Variants in CKMT2 observed in about 807,000 individuals in gnomAD.
CKMT2 encodes the protein creatine kinase S-type, mitochondrial.
In CKMT2, 43 loss-of-function variants were observed where a neutral mutation model predicts 48.9. That is an observed-to-expected ratio of 0.88 (90% CI 0.69 to 1.13). CKMT2 has a LOEUF of 1.13. CKMT2 is among the 50% of genes most tolerant of loss of function. The pLI, the probability that CKMT2 is intolerant of heterozygous loss-of-function variation, is 0.00. For synonymous variants in CKMT2, 206 were observed against 213.0 expected, an observed-to-expected ratio of 0.97 and a Z score of 0.29; for missense variants, 472 against 555.4, an observed-to-expected ratio of 0.85 and a Z score of 1.51.
At chr5:81,263,322 G>T (rs1757289658) in intron 8 of CKMT2, among the ~76,000 whole-genome samples, 169 bp from the exon 9 acceptor site, 1 of 148,726 alleles carries the variant, frequency 6.7e-6, no homozygotes, top group African/African-American at 2.5e-5. Flanking sequence ...GCTTTATTTA[G>T]TTAATCTATA....
chr5:81,241,200 T>G (rs969309049), intron 1 of CKMT2, among the ~76,000 whole-genome samples: 3 of 152,190 alleles, frequency 2.0e-5, no homozygotes, highest in African/African-American at 7.2e-5. Flanking sequence ...CTTGCCAAGC[T>G]TCTTACACTG....
Position 81,252,574 on chromosome 5 carries a change from A to G in CKMT2, c.153-121A>G, listed in dbSNP as rs1756855193. ...TATGACTCCTAGGCAGTTCTAGCCA[A>G]GTATCCCTGTGCCCACTGGCTGAAG... On this transcript the variant is annotated intron_variant, in intron 2 of 9. Transcript: ENST00000254035. 33 of 974,966 alleles carry G rather than the reference A, an allele frequency of 3.4e-5. 1 individual carries two copies. In the South Asian group the frequency reaches 4.6e-4, roughly 13 times the overall value. 60.4% of individuals were successfully genotyped at this position (974,966 alleles called of 1,614,324 possible).
chr5:81,235,628 G>A (rs16878563), intron 1 of CKMT2: 10,450 of 152,374 alleles, frequency 0.069, 439 homozygotes, highest in Admixed American at 0.099. Context: ...AGAACCCAAG[G>A]CCTCCTCTTC....
intron 1 of CKMT2, among the ~76,000 whole-genome samples, chr5:81,247,200 C>T (rs934220058): frequency 2.6e-5 from 4 of 152,164 alleles, no homozygotes; most frequent in African/African-American, 9.7e-5. Context: ...ATGCTCAGAA[C>T]ATGGAGGGAA....
intron 2 of CKMT2, chr5:81,252,044 T>C (rs1756834331): frequency 6.4e-6 from 1 of 155,476 alleles, no homozygotes; most frequent in Admixed American, 6.3e-5. Context: ...AGGGATATCA[T>C]AGTACTGACT....
At chr5:81,256,220 T>C (rs920618361) in intron 5 of CKMT2, among the ~76,000 whole-genome samples, 6 of 152,186 alleles carry the variant, frequency 3.9e-5, no homozygotes, top group African/African-American at 1.4e-4. Flanking sequence ...AGTAGTATAT[T>C]GCAGTGGTTA....
At chr5:81,240,626 A>G (rs895800336) in intron 1 of CKMT2, among the ~76,000 whole-genome samples, 1 of 152,142 alleles carries the variant, frequency 6.6e-6, no homozygotes, top group Non-Finnish European at 1.5e-5. Context: ...GAGTGAAAGG[A>G]TCTTTATTTA....
At chr5:81,233,414 A>C in intron 1 of CKMT2, 37 bp downstream of exon 1, 1 of 982,458 alleles carries the variant, frequency 1.0e-6, no homozygotes, top group Non-Finnish European at 1.2e-6. Context: ...TATTCCTCCA[A>C]AGAGGGGTCA....
Position 81,259,141 on chromosome 5 carries a change from C to G in CKMT2, c.901C>G (p.Arg301Gly). The G allele has an allele frequency of 1.2e-6, 2 of 1,613,092 alleles. No individual in the cohort carries two copies. The highest frequency in any genetic ancestry group is 2.2e-5 in the East Asian group (1 of 44,860). ...GTAGGTAGAACGGTTAATCCAAGAA[C>G]GAGGCTGGGAGTTCATGTGGAATGA... ...LKEVERLIQE[R>G]GWEFMWNERL... Residue 301 changes from arginine (R) to glycine (G), a missense_variant, in exon 8 of 10, where the codon CGA becomes GGA. Coordinates refer to ENST00000254035, the MANE Select transcript of CKMT2 (RefSeq NM_001099735.2).
chr5:81,235,668 G>A (rs1468562209), intron 1 of CKMT2: 2 of 152,258 alleles, frequency 1.3e-5, no homozygotes, highest in Non-Finnish European at 2.9e-5. Context: ...AACCAGAGAA[G>A]AGCATTAAGA....
chr5:81,264,321 T>C (rs1318064922), intron 9 of CKMT2, among the ~76,000 whole-genome samples: 1 of 152,232 alleles, frequency 6.6e-6, no homozygotes, highest in African/African-American at 2.4e-5. Flanking sequence ...GTGGTCCCAT[T>C]GGACATATTA....
In CKMT2 at chr5:81,256,916, A is replaced by G. The variant is rs1757030381; in HGVS notation, c.671A>G (p.Asp224Gly). Reference protein sequence around the residue: ...TEQDQQRLIDDHFLFDKPVSP... With the variant: ...TEQDQQRLIDGHFLFDKPVSP... ...TGCTTTATCCCTTTTGGCCTACAGG[A>G]CCACTTTCTGTTTGATAAGCCAGTG... The change falls in exon 6 of 10, where the codon GAC becomes GGC. Residue 224 changes from aspartate (D) to glycine (G), a missense_variant and splice_region_variant. Transcript: ENST00000254035. The G allele has an allele frequency of 5.0e-6, 8 of 1,612,956 alleles. No individual in the cohort carries two copies. The highest frequency in any genetic ancestry group is 6.8e-6 in the Non-Finnish European group (8 of 1,179,166).
chr5:81,263,657 C>T, intron 9 of CKMT2, 41 bp downstream of exon 9: 1 of 1,578,678 alleles, frequency 6.3e-7, no homozygotes. Flanking sequence ...CTAACAAAAT[C>T]AGCCTAAGAG....
At chr5:81,233,662 TC>T (rs1376126940) in intron 1 of CKMT2, among the ~76,000 whole-genome samples, 1 of 152,042 alleles carries the variant, frequency 6.6e-6, no homozygotes, top group Non-Finnish European at 1.5e-5. Flanking sequence ...CAGGAATTTT[TC>T]TCGATGGAAA....
intron 5 of CKMT2, among the ~76,000 whole-genome samples, chr5:81,256,025 T>G (rs1756996645): frequency 6.6e-6 from 1 of 152,186 alleles, no homozygotes; most frequent in Admixed American, 6.5e-5. Context: ...AATCCTCTCC[T>G]GGCTGAAGTC....
intron 1 of CKMT2, chr5:81,245,394 G>A (rs1756574088): frequency 6.6e-6 from 1 of 152,156 alleles, no homozygotes; most frequent in African/African-American, 2.4e-5. Flanking sequence ...CTTCATAGAG[G>A]AGTATCTGGC....
At chr5:81,248,773 A>AG (rs1756698707) in intron 1 of CKMT2, among the ~76,000 whole-genome samples, 1 of 152,128 alleles carries the variant, frequency 6.6e-6, no homozygotes, top group Non-Finnish European at 1.5e-5. Context: ...ATATCCTGTA[A>AG]CCCCTACTCA....
chr5:81,235,728 C>T (rs1040841026), intron 1 of CKMT2: 5 of 152,158 alleles, frequency 3.3e-5, no homozygotes, highest in Non-Finnish European at 7.3e-5. Context: ...AAATGTACAG[C>T]TTGTGGCCAC....
At chr5:81,250,940 AACACACAC>A (rs142418532) in intron 1 of CKMT2, among the ~76,000 whole-genome samples, 165 bp from the exon 2 acceptor site, 64 of 133,078 alleles carry the variant, frequency 4.8e-4, no homozygotes, top group Admixed American at 6.1e-4. Flanking sequence ...AGAAATAGAA[AACACACAC>A]ACACACACAC....
Sources: gnomAD v4.1 joint callset for allele counts (sites outside exome capture counted in the v4.1 genomes callset) on GRCh38, gnomAD v4.1.1 for gene constraint, MANE v1.5 for transcripts, NCBI Gene and HGNC (gene_info 2026-07-23, HGNC 2026-07-21) for gene names.